Variants in USP15 observed in about 807,000 individuals in gnomAD.
The protein encoded by USP15 is ubiquitin carboxyl-terminal hydrolase 15.
A neutral mutation model predicts 127.1 loss-of-function variants in USP15; 18 were observed. The observed-to-expected ratio is 0.14, with a 90% CI of 0.10 to 0.21. USP15 has a LOEUF of 0.21. USP15 is among the 10% of genes least tolerant of loss of function. USP15 has a pLI of 1.00. For synonymous variants in USP15, 364 were observed against 393.7 expected, an observed-to-expected ratio of 0.92 and a Z score of 0.89; for missense variants, 805 against 1,159.9, an observed-to-expected ratio of 0.69 and a Z score of 4.44.
intron 1 of USP15, among the ~76,000 whole-genome samples, chr12:62,264,049 G>A (rs1204759985): frequency 2.6e-5 from 4 of 152,126 alleles, no homozygotes; most frequent in Admixed American, 6.5e-5. Context: ...AGTACAGTGC[G>A]TGGTCTCGGC....
intron 8 of USP15, among the ~76,000 whole-genome samples, chr12:62,361,106 G>A (rs189898962): frequency 3.9e-5 from 6 of 152,060 alleles, no homozygotes; most frequent in East Asian, 3.9e-4. Flanking sequence ...AAGAACCTAC[G>A]TTCTCAGACA....
At chr12:62,274,211 G>A (rs946590057) in intron 1 of USP15, 3 of 152,156 alleles carry the variant, frequency 2.0e-5, no homozygotes, top group Non-Finnish European at 4.4e-5. Flanking sequence ...TGTTAAAAAG[G>A]AGGCTGGGCA....
chr12:62,296,882 T>C (rs1030451286), intron 2 of USP15, among the ~76,000 whole-genome samples: 6 of 152,208 alleles, frequency 3.9e-5, no homozygotes, highest in African/African-American at 1.4e-4. Context: ...AGCCCTTCAG[T>C]GTACTACCCA....
chr12:62,267,244 A>G (rs2137036278), intron 1 of USP15: 1 of 152,166 alleles, frequency 6.6e-6, no homozygotes, highest in Non-Finnish European at 1.5e-5. Flanking sequence ...TCTCCCATTT[A>G]TCCTTTAAAC....
chr12:62,387,999 A>C (rs1443701414), intron 11 of USP15, among the ~76,000 whole-genome samples: 12 of 152,096 alleles, frequency 7.9e-5, no homozygotes, highest in Admixed American at 7.9e-4. Context: ...CAAAGAAGTT[A>C]GTAGAACAGG....
intron 9 of USP15, 93 bp downstream of exon 9, chr12:62,381,756 CA>C: frequency 7.6e-7 from 1 of 1,309,824 alleles, no homozygotes; most frequent in Non-Finnish European, 1.0e-6. Context: ...GTAGCTATTA[CA>C]ATGGTTTGTG....
Position 62,283,378 on chromosome 12 carries a change from A to G in USP15, c.90-10801A>G, listed in dbSNP as rs115462678. Reference sequence around the variant, plus strand: ...AACCTACAGCAAGCTAATAAGCAGCATTTATCAAAAATCTACCTAGTGGTG... The same window carrying G: ...AACCTACAGCAAGCTAATAAGCAGCGTTTATCAAAAATCTACCTAGTGGTG... On this transcript the variant is annotated intron_variant, in intron 1 of 21. Transcript: ENST00000280377. Among the ~76,000 whole-genome samples the G allele has an allele frequency of 3.7e-3, 570 of 152,330 alleles. 5 individuals are homozygous for G. Among genetic ancestry groups the G allele is most frequent in the African/African-American group, 0.013 (536 of 41,578 alleles).
rs2068146605 is a variant in USP15, at chr12:62,416,028, T to G, written c.*11653T>G. The G allele has an allele frequency of 6.6e-6, 1 of 152,208 alleles. No homozygotes were observed. Among genetic ancestry groups the G allele is most frequent in the South Asian group, 2.1e-4 (1 of 4,836 alleles). The allele number at this position is 152,208 out of a possible 1,614,324, so 9.4% of individuals were successfully genotyped here. A position where few individuals can be genotyped will look rare whatever the true frequency, so the allele number is the denominator to read the frequency against. ...GTATGGTACAGTCAGTCCACCCAGG[T>G]TGCCTGTTAACCTGGTGCTTGAAGG... On this transcript the variant is annotated 3_prime_UTR_variant, in exon 22 of 22. Coordinates refer to ENST00000280377, the MANE Select transcript of USP15 (RefSeq NM_001252078.2).
intron 8 of USP15, among the ~76,000 whole-genome samples, chr12:62,363,679 C>G (rs1057180707): frequency 2.0e-5 from 3 of 151,968 alleles, no homozygotes; most frequent in South Asian, 2.1e-4. Flanking sequence ...ACACCCTCTC[C>G]CCGCGTCCCC....
intron 8 of USP15, among the ~76,000 whole-genome samples, chr12:62,356,840 A>T (rs1372884328): frequency 6.6e-6 from 1 of 152,064 alleles, no homozygotes; most frequent in South Asian, 2.1e-4. Flanking sequence ...AGTAAAGTAC[A>T]TGGGTGCTTA....
intron 1 of USP15, among the ~76,000 whole-genome samples, chr12:62,276,766 A>G (rs1012500031): frequency 3.9e-5 from 6 of 152,104 alleles, no homozygotes; most frequent in Non-Finnish European, 7.4e-5. Context: ...TAAATTTTTA[A>G]TTAAAATCTA....
At chr12:62,322,173 G>T (rs1195032809) in intron 5 of USP15, among the ~76,000 whole-genome samples, 1 of 152,152 alleles carries the variant, frequency 6.6e-6, no homozygotes, top group African/African-American at 2.4e-5. Flanking sequence ...TGTTGCCCAG[G>T]CTGGAGTGCA....
chr12:62,309,767 G>A (rs898150415), intron 3 of USP15, among the ~76,000 whole-genome samples: 10 of 151,636 alleles, frequency 6.6e-5, no homozygotes. Flanking sequence ...CATAATTTTA[G>A]CAGACTAAAG....
rs1363718463 is a variant in USP15 at position 62,390,888 on chromosome 12, A to G, written c.1869A>G (p.Glu623=). 9.9e-6 allele frequency: 16 copies of G among 1,611,520 alleles called. No individual in the cohort carries two copies. The highest frequency in any genetic ancestry group is 1.1e-5 in the Non-Finnish European group (13 of 1,178,550). Residue 623 remains glutamate, a synonymous_variant, in exon 15 of 22, where the codon GAA becomes GAG. Transcript: ENST00000280377. ...RMCRYVKIST[E]TEETEGSLHC... ...GCCGATATGTCAAAATATCTACTGA[A>G]ACTGAAGAAACTGAAGGATCCCTAC...
chr12:62,315,688 A>G (rs1178489702), intron 4 of USP15, among the ~76,000 whole-genome samples: 1 of 152,178 alleles, frequency 6.6e-6, no homozygotes, highest in Non-Finnish European at 1.5e-5. Context: ...TTGGAAACAG[A>G]TTAGCCAATT....
intron 6 of USP15, among the ~76,000 whole-genome samples, chr12:62,340,481 G>A (rs1489052340): frequency 6.6e-6 from 1 of 152,022 alleles, no homozygotes; most frequent in East Asian, 1.9e-4. Flanking sequence ...TGTGATATTA[G>A]GGTTTCAATT....
chr12:62,285,242 T>C (rs1420748528), intron 1 of USP15, among the ~76,000 whole-genome samples: 1 of 152,144 alleles, frequency 6.6e-6, no homozygotes, highest in African/African-American at 2.4e-5. Context: ...TAATTTATCA[T>C]CCCTCTCCTG....
At chr12:62,381,795 T>A in intron 9 of USP15, 132 bp downstream of exon 9, 1 of 732,790 alleles carries the variant, frequency 1.4e-6, no homozygotes, top group Non-Finnish European at 2.1e-6. Context: ...AGTACATAAA[T>A]AGATATACAG....
chr12:62,304,133 C>T (rs1186836866), intron 3 of USP15, among the ~76,000 whole-genome samples: 4 of 152,058 alleles, frequency 2.6e-5, no homozygotes, highest in Admixed American at 2.6e-4. Flanking sequence ...TAGCGGTCTT[C>T]AGTATGATAA....
Sources: allele counts gnomAD v4.1 joint callset (sites outside exome capture counted in the v4.1 genomes callset), GRCh38; gene constraint gnomAD v4.1.1; transcripts MANE v1.5; gene names NCBI Gene and HGNC (gene_info 2026-07-23, HGNC 2026-07-21).